PCDHA6: variants seen among roughly 807,000 people sequenced by gnomAD.
PCDHA6 encodes protocadherin alpha-6.
A neutral mutation model predicts 60.3 loss-of-function variants in PCDHA6; 55 were observed. That is an observed-to-expected ratio of 0.91 (90% CI 0.73 to 1.14). The LOEUF is 1.14. Among genes scored for constraint, PCDHA6 ranks in the 50% most tolerant of loss-of-function variants. The pLI is 0.00. For missense variants in PCDHA6, 1,327 were observed against 1,256.5 expected, an observed-to-expected ratio of 1.06 and a Z score of -0.85; for synonymous variants, 652 against 557.9, an observed-to-expected ratio of 1.17 and a Z score of -2.38.
intron 1 of PCDHA6, chr5:140,876,604 G>A: frequency 6.2e-7 from 1 of 1,614,204 alleles, no homozygotes; most frequent in Non-Finnish European, 8.5e-7. Flanking sequence ...GTCGGATCGT[G>A]ACTCTGGAGC....
intron 1 of PCDHA6, chr5:140,882,709 T>G (rs782343997): frequency 6.2e-7 from 1 of 1,614,022 alleles, no homozygotes; most frequent in Non-Finnish European, 8.5e-7. Flanking sequence ...AATCTAGACC[T>G]CCGGAAACTC....
rs377373799 is a variant in PCDHA6, at chr5:141,009,886, C to G, written c.2802C>G (p.Thr934=). 3.3e-5 allele frequency: 54 copies of G among 1,612,722 alleles called. No individual in the cohort carries two copies. The highest frequency in any genetic ancestry group is 4.6e-5 in the Non-Finnish European group (54 of 1,179,784). The stretch of plus-strand genomic sequence containing the variant: ...AGAAAAAGAAGAAGGGTAACAAGAC[C>G]CAGGAGAAAAAAGAGAAAGGGAACA... ...KKKKKKKGNK[T]QEKKEKGNST... Residue 934 remains threonine (T), a synonymous_variant, in exon 4 of 4, where the codon ACC becomes ACG. Transcript: ENST00000529310.
At chr5:140,953,331 A>G (rs2153698892) in intron 1 of PCDHA6, among the ~76,000 whole-genome samples, 1 of 152,248 alleles carries the variant, frequency 6.6e-6, no homozygotes, top group South Asian at 2.1e-4. Flanking sequence ...CATAGAATTT[A>G]GGGCTCACCT....
In PCDHA6 at chr5:140,834,765, G is replaced by C. The variant is rs2150225893; in HGVS notation, c.2394+4280G>C. 7 of 1,614,098 alleles carry C rather than the reference G, an allele frequency of 4.3e-6. No homozygotes were observed. The highest frequency in any genetic ancestry group is 5.9e-6 in the Non-Finnish European group (7 of 1,180,028). On this transcript the variant is annotated intron_variant, in intron 1 of 3. Transcript: ENST00000529310. The stretch of plus-strand genomic sequence containing the variant: ...GGACGTGGAGGTGAAGGACATTAAC[G>C]ACAACCCTCCGGTGTTCCCAGCGAC...
chr5:140,869,424 G>T (rs2051119407), intron 1 of PCDHA6: 18 of 1,614,216 alleles, frequency 1.1e-5, no homozygotes, highest in Non-Finnish European at 1.5e-5. Context: ...TCCACCTGGA[G>T]GTGATCGTGG....
chr5:140,939,562 G>C (rs1584985766), intron 1 of PCDHA6, among the ~76,000 whole-genome samples: 1 of 152,158 alleles, frequency 6.6e-6, no homozygotes, highest in Middle Eastern at 3.4e-3. Flanking sequence ...TATTAGTTTG[G>C]TTAATCAAAA....
chr5:140,857,826 T>G, intron 1 of PCDHA6: 1 of 1,597,464 alleles, frequency 6.3e-7, no homozygotes, highest in Non-Finnish European at 8.6e-7. Context: ...GTGGCTAAGG[T>G]GCGCGCAGTG....
At chr5:140,836,574 G>C in intron 1 of PCDHA6, 10 of 1,613,706 alleles carry the variant, frequency 6.2e-6, no homozygotes, top group Non-Finnish European at 8.5e-6. Context: ...CTCTGAGGGC[G>C]CATGTAGTTT....
intron 1 of PCDHA6, chr5:140,858,095 G>C: frequency 1.3e-6 from 2 of 1,597,916 alleles, no homozygotes; most frequent in Non-Finnish European, 1.7e-6. Context: ...GCGGGCTTCA[G>C]TGGGCGTGGC....
At chr5:140,843,305 A>C (rs2150356964) in intron 1 of PCDHA6, 9 of 1,595,822 alleles carry the variant, frequency 5.6e-6, no homozygotes, top group Non-Finnish European at 7.7e-6. Flanking sequence ...GCTGACCGCC[A>C]CGGCCACGGT....
In PCDHA6 at chr5:140,944,201, G is replaced by T. The variant is rs1389405246; in HGVS notation, c.2395-34748G>T. Among the ~76,000 whole-genome samples, 5 of 152,034 alleles carry T rather than the reference G, an allele frequency of 3.3e-5. No homozygotes were observed. In the East Asian group the frequency reaches 9.6e-4, roughly 29 times the overall value. On this transcript the variant is annotated intron_variant, in intron 1 of 3. Coordinates refer to ENST00000529310, the MANE Select transcript of PCDHA6 (RefSeq NM_018909.4). ...TTGTTGGTTTGTTTTGTTTTGTTTT[G>T]TTTTTAAAGAGGGTTTTACTCTGTC...
intron 1 of PCDHA6, chr5:140,859,517 T>A (rs1364411363): frequency 5.1e-6 from 1 of 195,368 alleles, no homozygotes; most frequent in Admixed American, 5.8e-5. Flanking sequence ...ATGATTTCAT[T>A]TTTAAAAAAA....
chr5:140,846,704 T>C (rs1263410748), intron 1 of PCDHA6, among the ~76,000 whole-genome samples: 4 of 149,392 alleles, frequency 2.7e-5, no homozygotes, highest in African/African-American at 9.8e-5. Flanking sequence ...TAGAGAAGAT[T>C]GTAATAACCA....
At chr5:140,870,838 C>T (rs1554164743) in intron 1 of PCDHA6, 4 of 1,613,700 alleles carry the variant, frequency 2.5e-6, no homozygotes, top group Admixed American at 3.3e-5. Context: ...AGTTAACAAG[C>T]TAGTACCGCG....
intron 3 of PCDHA6, among the ~76,000 whole-genome samples, chr5:141,000,228 G>C (rs994042672): frequency 3.3e-5 from 5 of 151,306 alleles, no homozygotes; most frequent in Non-Finnish European, 2.9e-5. Context: ...CCTGTGTGGA[G>C]CTGAATGTGG....
chr5:140,941,251 CTT>C (rs1177440606), intron 1 of PCDHA6, among the ~76,000 whole-genome samples: 1 of 121,786 alleles, frequency 8.2e-6, no homozygotes, highest in African/African-American at 3.1e-5. Flanking sequence ...TTCTTTCTTT[CTT>C]TCTCTTTCTT....
chr5:141,000,365 C>CTG (rs2097904906), intron 3 of PCDHA6, among the ~76,000 whole-genome samples: 2 of 12,832 alleles, frequency 1.6e-4, no homozygotes, highest in Non-Finnish European at 2.6e-4. Flanking sequence ...CTCTCTGTCT[C>CTG]TCTCTCTCTC....
chr5:140,847,700 CAG>C (rs1424975763), intron 1 of PCDHA6: 1 of 149,786 alleles, frequency 6.7e-6, no homozygotes, highest in Non-Finnish European at 1.5e-5. Context: ...TTTCTGGAAA[CAG>C]ATTGTATAAA....
intron 1 of PCDHA6, among the ~76,000 whole-genome samples, chr5:140,944,520 T>G (rs1554216391): frequency 6.6e-6 from 1 of 152,140 alleles, no homozygotes; most frequent in Non-Finnish European, 1.5e-5. Flanking sequence ...TATTTTGTGC[T>G]TTAAATGATT....
Sources: allele counts gnomAD v4.1 joint callset (sites outside exome capture counted in the v4.1 genomes callset), GRCh38; gene constraint gnomAD v4.1.1; transcripts MANE v1.5; gene names NCBI Gene and HGNC (gene_info 2026-07-23, HGNC 2026-07-21).